FAT3: variants seen among roughly 807,000 people sequenced by gnomAD.
FAT3 encodes protocadherin Fat 3.
Under a neutral mutation model 310.2 loss-of-function variants are expected in FAT3, and 95 were observed. That is an observed-to-expected ratio of 0.31 (90% CI 0.26 to 0.36). The LOEUF is 0.36. FAT3 is among the 10% of genes least tolerant of loss of function. FAT3 has a pLI of 1.00. For synonymous variants in FAT3, 2,314 were observed against 2,192.9 expected, an observed-to-expected ratio of 1.06 and a Z score of -1.54; for missense variants, 5,408 against 5,715.6, an observed-to-expected ratio of 0.95 and a Z score of 1.74.
chr11:92,333,011 T>C (rs185582670), intron 1 of FAT3, among the ~76,000 whole-genome samples: 1 of 152,222 alleles, frequency 6.6e-6, no homozygotes, highest in African/African-American at 2.4e-5. Context: ...TTAACAACAG[T>C]GGGGTTTAAG....
intron 2 of FAT3, among the ~76,000 whole-genome samples, chr11:92,405,638 C>A (rs947710243): frequency 9.2e-5 from 14 of 152,172 alleles, no homozygotes; most frequent in Non-Finnish European, 2.9e-5. Context: ...GTGGTCCCAG[C>A]TACTCAGGAG....
chr11:92,623,488 G>A (rs1012422902), intron 3 of FAT3, among the ~76,000 whole-genome samples: 18 of 152,296 alleles, frequency 1.2e-4, no homozygotes, highest in African/African-American at 4.3e-4. Context: ...TCGAGTTTTT[G>A]TTATATATAC....
In FAT3 at chr11:92,507,933, T is replaced by C. The variant is rs200312394; in HGVS notation, c.3293-16701T>C. 2.8e-4 allele frequency among the ~76,000 whole-genome samples: 42 copies of C among 152,186 alleles called. No homozygotes were observed. In the East Asian group the frequency reaches 7.2e-3, roughly 26 times the overall value. On this transcript the variant is annotated intron_variant, in intron 2 of 27. Coordinates refer to ENST00000525166, the MANE Select transcript of FAT3 (RefSeq NM_001367949.2). The stretch of plus-strand genomic sequence containing the variant: ...CCAAAGTATGACATTGGCTATGTGA[T>C]TGTGTCAACACTGGTCAAAGGAAAA...
chr11:92,273,980 A>T (rs1448638424), intron 1 of FAT3, among the ~76,000 whole-genome samples: 3 of 152,170 alleles, frequency 2.0e-5, no homozygotes, highest in African/African-American at 7.2e-5. Flanking sequence ...GGGGCTTAAC[A>T]CATTGGTTTT....
chr11:92,360,211 C>T (rs1337945144), intron 2 of FAT3, among the ~76,000 whole-genome samples: 1 of 152,170 alleles, frequency 6.6e-6, no homozygotes. Context: ...TATACACCAG[C>T]AACAGACAAA....
At chr11:92,887,700 C>T (rs1423146918) in intron 25 of FAT3, among the ~76,000 whole-genome samples, 1 of 152,172 alleles carries the variant, frequency 6.6e-6, no homozygotes, top group Non-Finnish European at 1.5e-5. Flanking sequence ...TGTTGACACT[C>T]CAAAGCTGCT....
chr11:92,830,033 CT>C (rs998044116), intron 13 of FAT3, among the ~76,000 whole-genome samples: 18 of 152,188 alleles, frequency 1.2e-4, no homozygotes, highest in African/African-American at 4.3e-4. Context: ...CCTCTAAGAG[CT>C]TATATTCTAT....
intron 20 of FAT3, 82 bp from the exon 21 acceptor site, chr11:92,859,083 G>T: frequency 7.4e-7 from 1 of 1,357,172 alleles, no homozygotes; most frequent in East Asian, 2.4e-5. Context: ...AACTTGGTTG[G>T]TGGTTGTTGG....
chr11:92,486,851 A>G (rs1426535802), intron 2 of FAT3, among the ~76,000 whole-genome samples: 1 of 152,144 alleles, frequency 6.6e-6, no homozygotes. Flanking sequence ...TTTTTCCCCT[A>G]TATCCTGCCA....
At chr11:92,735,911 T>C (rs1047790992) in intron 4 of FAT3, among the ~76,000 whole-genome samples, 3 of 152,166 alleles carry the variant, frequency 2.0e-5, no homozygotes, top group Admixed American at 6.5e-5. Flanking sequence ...GTAACATCTC[T>C]GTGAGGTAGA....
rs1462208250 is a variant in FAT3, at chr11:92,895,113, T to G, written c.*4000T>G. 6.6e-6 allele frequency: 1 copy of G among 152,276 alleles called. No individual in the cohort carries two copies. The highest frequency in any genetic ancestry group is 1.5e-5 in the Non-Finnish European group (1 of 68,048). 9.4% of individuals were successfully genotyped at this position (152,276 alleles called of 1,614,324 possible). ...CCAGATAATTGGCTCTTCACTCCGC[T>G]GCCTTCCCAGTGCACAGGTATTGCT... is the stretch of plus-strand genomic sequence containing the variant. On this transcript the variant is annotated 3_prime_UTR_variant, in exon 28 of 28. Coordinates refer to ENST00000525166, the MANE Select transcript of FAT3 (RefSeq NM_001367949.2).
At chr11:92,412,737 ATAT>A (rs1565296456) in intron 2 of FAT3, among the ~76,000 whole-genome samples, 358 of 17,108 alleles carry the variant, frequency 0.021, 48 homozygotes, top group East Asian at 0.06. Flanking sequence ...ATATATATAT[ATAT>A]ATATAAATAT....
intron 2 of FAT3, among the ~76,000 whole-genome samples, chr11:92,364,645 T>C (rs16917427): frequency 0.12 from 18,603 of 152,270 alleles, 1,174 homozygotes; most frequent in South Asian, 0.18. Flanking sequence ...TTGCCAGTTT[T>C]TATGAAAGCA....
intron 4 of FAT3, among the ~76,000 whole-genome samples, chr11:92,701,239 A>G (rs1944087806): frequency 6.6e-6 from 1 of 152,232 alleles, no homozygotes; most frequent in South Asian, 2.1e-4. Context: ...TGAATAGATA[A>G]CCAGGAGGAC....
chr11:92,737,191 G>A (rs1380526067), intron 4 of FAT3, among the ~76,000 whole-genome samples: 2 of 152,198 alleles, frequency 1.3e-5, no homozygotes, highest in African/African-American at 4.8e-5. Flanking sequence ...ACTCTCAGCA[G>A]AGGGGAAAGA....
intron 2 of FAT3, among the ~76,000 whole-genome samples, chr11:92,364,078 C>A (rs1948952401): frequency 6.6e-6 from 1 of 152,008 alleles, no homozygotes. Context: ...GCTTGAGCTG[C>A]TATTGTCTCT....
At chr11:92,453,896 T>C (rs941778514) in intron 2 of FAT3, among the ~76,000 whole-genome samples, 1 of 152,182 alleles carries the variant, frequency 6.6e-6, no homozygotes, top group Non-Finnish European at 1.5e-5. Flanking sequence ...CAGCCACATA[T>C]GTAAGTTTTT....
intron 4 of FAT3, among the ~76,000 whole-genome samples, chr11:92,720,060 G>C (rs1208947196): frequency 6.6e-6 from 1 of 152,082 alleles, no homozygotes; most frequent in Non-Finnish European, 1.5e-5. Context: ...ACAGGGGCAG[G>C]GGCTTGATTA....
At chr11:92,448,167 G>T (rs548010564) in intron 2 of FAT3, among the ~76,000 whole-genome samples, 6 of 152,070 alleles carry the variant, frequency 3.9e-5, no homozygotes, top group Non-Finnish European at 7.4e-5. Context: ...TGAAGATTGA[G>T]TAAATTAATT....
Sources: gnomAD v4.1 joint callset for allele counts (sites outside exome capture counted in the v4.1 genomes callset) on GRCh38, gnomAD v4.1.1 for gene constraint, MANE v1.5 for transcripts, NCBI Gene and HGNC (gene_info 2026-07-23, HGNC 2026-07-21) for gene names.